Variants in MEGF11 observed in about 807,000 individuals in gnomAD.
MEGF11 encodes the protein multiple epidermal growth factor-like domains protein 11.
Under a neutral mutation model 146.6 loss-of-function variants are expected in MEGF11, and 126 were observed. That is an observed-to-expected ratio of 0.86 (90% confidence interval 0.74 to 1.00). The LOEUF (loss-of-function observed/expected upper bound fraction) is 1.00, where lower values mean the gene tolerates loss of function less well. Among genes scored for constraint, MEGF11 ranks in the 50% least tolerant of loss-of-function variants. MEGF11 has a pLI of 0.00. For synonymous variants in MEGF11, 532 were observed against 583.4 expected, an observed-to-expected ratio of 0.91 and a Z score of 1.27; for missense variants, 1,509 against 1,521.2, an observed-to-expected ratio of 0.99 and a Z score of 0.13.
intron 4 of MEGF11, among the ~76,000 whole-genome samples, chr15:66,111,959 A>G (rs2087441120): frequency 6.6e-6 from 1 of 152,196 alleles, no homozygotes; most frequent in Non-Finnish European, 1.5e-5. Flanking sequence ...TACCAAAGTA[A>G]AGGGTGATCT....
intron 5 of MEGF11, among the ~76,000 whole-genome samples, chr15:66,049,619 T>A (rs2084371297): frequency 6.6e-6 from 1 of 152,202 alleles, no homozygotes; most frequent in Admixed American, 6.5e-5. Context: ...GTTTGCTGGC[T>A]TTCTGGAAAA....
Position 66,028,334 on chromosome 15 carries a change from A to G in MEGF11, c.395-45846T>C, listed in dbSNP as rs574141281. ...GCCAGTAAATGCAAATTAACACAACAGGGAGGTCCTATTTTACACTTCCTA... is the reference window on the plus strand; with the variant it reads ...GCCAGTAAATGCAAATTAACACAACGGGGAGGTCCTATTTTACACTTCCTA... On this transcript the variant is annotated intron_variant, in intron 5 of 25. Transcript: ENST00000395614. Among the ~76,000 whole-genome samples the G allele has an allele frequency of 2.4e-4, 36 of 152,340 alleles. No homozygotes were observed. In the South Asian group the frequency reaches 7.2e-3, roughly 31 times the overall value.
intron 2 of MEGF11, among the ~76,000 whole-genome samples, chr15:66,127,225 T>C (rs1419451293): frequency 1.3e-5 from 2 of 152,228 alleles, no homozygotes; most frequent in Non-Finnish European, 2.9e-5. Context: ...TCACGGATCT[T>C]GTTTTCTTCC....
In MEGF11 at chr15:66,119,166, T is replaced by C; in HGVS notation, c.221A>G (p.Tyr74Cys). 6.4e-7 allele frequency: 1 copy of C among 1,551,454 alleles called. No individual in the cohort carries two copies. The highest frequency in any genetic ancestry group is 8.7e-7 in the Non-Finnish European group (1 of 1,146,992). The change falls in exon 4 of 26, where the codon TAT (tyrosine) becomes TGT (cysteine). Residue 74 changes from tyrosine (Y) to cysteine (C), a missense_variant. By Grantham distance (194) the Tyr-to-Cys change is radical (BLOSUM62 -2). Coordinates refer to ENST00000395614, the MANE Select transcript of MEGF11 (RefSeq NM_001385028.1). ...GTACATGGTCCGGAGGCCTCTCCGA[T>C]ACGCCGTCTTATAACTGATCCTAAG... is the stretch of plus-strand genomic sequence containing the variant. Reference protein sequence around the residue: ...TRHRISYKTAYRRGLRTMYRR... With the variant: ...TRHRISYKTACRRGLRTMYRR...
At chr15:66,249,583 G>A (rs2092343155) in intron 1 of MEGF11, among the ~76,000 whole-genome samples, 1 of 152,166 alleles carries the variant, frequency 6.6e-6, no homozygotes, top group Non-Finnish European at 1.5e-5. Context: ...ATGGGGAGGG[G>A]GAGGGGATGT....
intron 7 of MEGF11, among the ~76,000 whole-genome samples, chr15:65,976,851 G>T (rs150595548): frequency 2.0e-5 from 3 of 152,096 alleles, no homozygotes; most frequent in Non-Finnish European, 4.4e-5. Flanking sequence ...GACAACAGTC[G>T]CACTTTAAGA....
At chr15:65,913,680 C>T in intron 20 of MEGF11, 57 bp downstream of exon 20, 1 of 1,467,626 alleles carries the variant, frequency 6.8e-7, no homozygotes, top group Non-Finnish European at 9.4e-7. Context: ...CACAACCATT[C>T]CTGGGGTATG....
intron 1 of MEGF11, among the ~76,000 whole-genome samples, chr15:66,238,613 A>G (rs1485957299): frequency 2.0e-5 from 3 of 152,208 alleles, no homozygotes; most frequent in Non-Finnish European, 4.4e-5. Context: ...GGATTAACTC[A>G]TTTAACCCTC....
intron 5 of MEGF11, among the ~76,000 whole-genome samples, chr15:66,071,131 A>G (rs1002667501): frequency 1.3e-5 from 2 of 152,228 alleles, no homozygotes; most frequent in South Asian, 2.1e-4. Context: ...CCCAAGGTCC[A>G]CCTTATAGAA....
intron 10 of MEGF11, among the ~76,000 whole-genome samples, chr15:65,947,639 TC>T (rs2080246157): frequency 6.6e-6 from 1 of 152,182 alleles, no homozygotes; most frequent in Non-Finnish European, 1.5e-5. Flanking sequence ...CAGGGAGGCT[TC>T]TCTGATTTGT....
chr15:66,206,425 C>T (rs1386407070), intron 1 of MEGF11, among the ~76,000 whole-genome samples: 1 of 152,092 alleles, frequency 6.6e-6, no homozygotes, highest in African/African-American at 2.4e-5. Flanking sequence ...AGACACTCAC[C>T]TACAGATTCA....
At chr15:66,144,850 T>G (rs1158196626) in intron 1 of MEGF11, among the ~76,000 whole-genome samples, 1 of 152,232 alleles carries the variant, frequency 6.6e-6, no homozygotes, top group Non-Finnish European at 1.5e-5. Context: ...TCTCCCTATC[T>G]ATCTCCTCAG....
chr15:66,074,533 A>G (rs942893936), intron 5 of MEGF11, among the ~76,000 whole-genome samples: 1 of 152,254 alleles, frequency 6.6e-6, no homozygotes, highest in Non-Finnish European at 1.5e-5. Flanking sequence ...GAGGAGAGTC[A>G]TGAAATCAAT....
intron 5 of MEGF11, among the ~76,000 whole-genome samples, chr15:66,073,609 ACCT>A (rs1185016177): frequency 1.3e-5 from 2 of 151,886 alleles, no homozygotes; most frequent in Non-Finnish European, 2.9e-5. Flanking sequence ...CATGGTCCTC[ACCT>A]CCTCCAAGGA....
chr15:65,924,966 T>G (rs2079318596), intron 13 of MEGF11, among the ~76,000 whole-genome samples: 1 of 152,120 alleles, frequency 6.6e-6, no homozygotes, highest in Non-Finnish European at 1.5e-5. Context: ...AAACCCAGGA[T>G]TCAGACCACA....
At chr15:65,959,192 G>A (rs539044658) in intron 9 of MEGF11, among the ~76,000 whole-genome samples, 24 of 152,168 alleles carry the variant, frequency 1.6e-4, no homozygotes, top group Non-Finnish European at 3.4e-4. Flanking sequence ...GGGGAGAGCC[G>A]TTTGTCTTGT....
At chr15:65,973,971 G>A (rs73481616) in intron 7 of MEGF11, among the ~76,000 whole-genome samples, 2 of 152,144 alleles carry the variant, frequency 1.3e-5, no homozygotes, top group African/African-American at 4.8e-5. Context: ...ATGAGTCTTA[G>A]GTTTTTAACA....
intron 5 of MEGF11, among the ~76,000 whole-genome samples, chr15:65,993,662 G>A (rs563401294): frequency 2.6e-5 from 4 of 152,230 alleles, no homozygotes; most frequent in Non-Finnish European, 5.9e-5. Context: ...GGGTAGGGGA[G>A]GGAGAGGGTA....
Position 66,095,916 on chromosome 15 carries a change from T to C in MEGF11, c.302-1422A>G, listed in dbSNP as rs559636183. 6.4e-4 allele frequency among the ~76,000 whole-genome samples: 98 copies of C among 152,342 alleles called. No homozygotes were observed. The Middle Eastern group carries it at 0.014, about 21-fold the overall frequency. On this transcript the variant is annotated intron_variant, in intron 4 of 25. Coordinates refer to ENST00000395614, the MANE Select transcript of MEGF11 (RefSeq NM_001385028.1). ...CAGTGCTGGAGAACCCAGTGGGCCT[T>C]GACCCCGGGGAACAGCTCCACTTAG...
Sources: allele counts gnomAD v4.1 joint callset (sites outside exome capture counted in the v4.1 genomes callset), GRCh38; gene constraint gnomAD v4.1.1; transcripts MANE v1.5; gene names NCBI Gene and HGNC (gene_info 2026-07-23, HGNC 2026-07-21).